NLRC4: variants seen among roughly 807,000 people sequenced by gnomAD.
NLRC4 encodes NLR family CARD domain containing 4, also known as NLR family CARD domain-containing protein 4.
NLRC4 carries 63 observed loss-of-function variants against 79.9 expected under a neutral mutation model. That is an observed-to-expected ratio of 0.79 (90% CI 0.64 to 0.97). The LOEUF (loss-of-function observed/expected upper bound fraction) is 0.97, where lower values mean the gene tolerates loss of function less well. Among genes scored for constraint, NLRC4 ranks in the 50% least tolerant of loss-of-function variants. The pLI is 0.00. For missense variants in NLRC4, 1,074 were observed against 1,215.2 expected, an observed-to-expected ratio of 0.88 and a Z score of 1.73; for synonymous variants, 461 against 456.5, an observed-to-expected ratio of 1.01 and a Z score of -0.12.
chr2:32,251,825 C>A (rs1330637531), intron 3 of NLRC4, among the ~76,000 whole-genome samples: 1 of 152,132 alleles, frequency 6.6e-6, no homozygotes, highest in Non-Finnish European at 1.5e-5. Flanking sequence ...TTTCCACAAC[C>A]AAATCTTATA....
chr2:32,252,990 C>G (rs886862228), intron 2 of NLRC4, among the ~76,000 whole-genome samples: 1 of 151,650 alleles, frequency 6.6e-6, no homozygotes. Flanking sequence ...TGCACTCCGG[C>G]CTGGGCGAAA....
In NLRC4 at chr2:32,249,926, G is replaced by A. The variant is rs1470250139; in HGVS notation, c.1938C>T (p.Ser646=). 6.2e-7 allele frequency: 1 copy of A among 1,614,200 alleles called. No individual in the cohort carries two copies. Among genetic ancestry groups the A allele is most frequent in the East Asian group, 2.2e-5 (1 of 44,882 alleles). Residue 646 remains serine (S), a synonymous_variant, in exon 4 of 9, where the codon AGC becomes AGT. Coordinates refer to ENST00000402280, the MANE Select transcript of NLRC4 (RefSeq NM_001199138.2). ...MEEAPETYIP[S]RAVSLFFNWK... ...AGTTGAAGAACAAAGATACAGCCCT[G>A]CTGGGAATGTAGGTTTCTGGGGCCT...
chr2:32,231,224 G>A (rs112475645), intron 8 of NLRC4, among the ~76,000 whole-genome samples: 89 of 151,516 alleles, frequency 5.9e-4, no homozygotes, highest in Admixed American at 5.4e-3. Context: ...GCGCAATCTC[G>A]GCTCACTGCA....
Position 32,226,330 on chromosome 2 carries a change from G to C in NLRC4, c.2783-1565C>G, listed in dbSNP as rs570870342. Reference sequence around the variant, plus strand: ...GTTCAGTGCAACTAAGTACATTCTAGAGTGTGTCCTTAGTCAATGTCAGCC... The same window carrying C: ...GTTCAGTGCAACTAAGTACATTCTACAGTGTGTCCTTAGTCAATGTCAGCC... On this transcript the variant is annotated intron_variant, in intron 8 of 8. Coordinates refer to ENST00000402280, the MANE Select transcript of NLRC4 (RefSeq NM_001199138.2). Among the ~76,000 whole-genome samples the C allele has an allele frequency of 1.2e-4, 18 of 152,296 alleles. No individual in the cohort carries two copies. In the Middle Eastern group the frequency reaches 0.014, roughly 115 times the overall value.
chr2:32,242,750 G>C (rs1686834329), intron 4 of NLRC4, among the ~76,000 whole-genome samples: 1 of 152,144 alleles, frequency 6.6e-6, no homozygotes, highest in Non-Finnish European at 1.5e-5. Flanking sequence ...AAAAGACGTA[G>C]AAGAAAAACT....
At chr2:32,244,557 T>A (rs564753924) in intron 4 of NLRC4, among the ~76,000 whole-genome samples, 2 of 150,624 alleles carry the variant, frequency 1.3e-5, no homozygotes, top group Non-Finnish European at 3.0e-5. Flanking sequence ...AAAAAAAAAA[T>A]AAATAAAAGG....
intron 8 of NLRC4, among the ~76,000 whole-genome samples, chr2:32,226,549 C>G (rs184981051): frequency 3.3e-5 from 5 of 152,274 alleles, no homozygotes; most frequent in Admixed American, 3.3e-4. Context: ...TCACTGACAC[C>G]ATCTTTGGGC....
chr2:32,250,388 C>A lies in NLRC4; in HGVS notation c.1476G>T (p.Arg492=), dbSNP rs952121500. 20 of 1,614,150 alleles carry A rather than the reference C, an allele frequency of 1.2e-5. No individual in the cohort carries two copies. The highest frequency in any genetic ancestry group is 1.6e-5 in the Non-Finnish European group (19 of 1,180,026). ...CTTCCACAGATGACCCACAGGTGTA[C>A]CGGAGCAGGCTGCTATAAGTGGATG... ...DITSTYSSLL[R]YTCGSSVEAT... Residue 492 remains arginine (R), a synonymous_variant, in exon 4 of 9, where the codon CGG becomes CGT. Coordinates refer to ENST00000402280, the MANE Select transcript of NLRC4 (RefSeq NM_001199138.2). This position sits in a 1 kb window ranked among gnomAD's most constrained non-coding sequence, Gnocchi z 4.9.
At chr2:32,238,666 G>GC (rs546363318) in intron 5 of NLRC4, among the ~76,000 whole-genome samples, 24 of 151,626 alleles carry the variant, frequency 1.6e-4, no homozygotes, top group South Asian at 6.3e-4. Context: ...TTAAACAGCG[G>GC]GGGGGCTGAG....
rs769993155 is a variant in NLRC4, at chr2:32,249,924, CT to C, written c.1939del (p.Arg647GlyfsTer26). 1.9e-6 allele frequency: 3 copies of C among 1,614,096 alleles called. No individual in the cohort carries two copies. In the African/African-American group the frequency reaches 4.0e-5, roughly 22 times the overall value. Reference protein sequence around the residue: ...EEAPETYIPSRAVSLFFNWKQ... With the variant: ...EEAPETYIPSXAVSLFFNWKQ... ...CCAGTTGAAGAACAAAGATACAGCC[CT>C]GCTGGGAATGTAGGTTTCTGGGGCC... On this transcript the variant is annotated frameshift_variant, in exon 4 of 9. Transcript: ENST00000402280. LOFTEE classifies it high-confidence loss of function.
Sources: gnomAD v4.1 joint callset for allele counts (sites outside exome capture counted in the v4.1 genomes callset) on GRCh38, gnomAD v4.1.1 for gene constraint, Gnocchi (gnomAD v3.1) non-coding constraint, MANE v1.5 for transcripts, NCBI Gene and HGNC (gene_info 2026-07-23, HGNC 2026-07-21) for gene names.